BMPR2: variants seen among roughly 807,000 people sequenced by gnomAD.
The protein encoded by BMPR2 is bone morphogenetic protein receptor type 2.
A neutral mutation model predicts 100.8 loss-of-function variants in BMPR2; 29 were observed. That is an observed-to-expected ratio of 0.29 (90% CI 0.21 to 0.39). The LOEUF (loss-of-function observed/expected upper bound fraction) is 0.39. Ranked by LOEUF, BMPR2 falls within the 10% of genes least tolerant of loss-of-function variation. BMPR2 has a pLI of 1.00. For missense variants in BMPR2, 1,011 were observed against 1,274.5 expected, an observed-to-expected ratio of 0.79 and a Z score of 3.15; for synonymous variants, 382 against 442.3, an observed-to-expected ratio of 0.86 and a Z score of 1.71.
chr2:202,546,905 GTT>G (rs957486369), intron 10 of BMPR2, among the ~76,000 whole-genome samples: 2 of 13,236 alleles, frequency 1.5e-4, no homozygotes, highest in Non-Finnish European at 5.5e-4. Flanking sequence ...CCCAGCCGGT[GTT>G]TTGTTTTGTT....
At chr2:202,391,026 C>T (rs960909514) in intron 1 of BMPR2, among the ~76,000 whole-genome samples, 17 of 97,262 alleles carry the variant, frequency 1.7e-4, no homozygotes, top group Admixed American at 6.7e-4. Flanking sequence ...GAGTTTCACT[C>T]TTGTTGCCCA....
intron 3 of BMPR2, among the ~76,000 whole-genome samples, chr2:202,484,131 A>G (rs893866435): frequency 3.3e-5 from 5 of 152,224 alleles, no homozygotes; most frequent in Admixed American, 2.6e-4. Flanking sequence ...ATTTCTATAC[A>G]TTGCTTTTAA....
At chr2:202,377,887 T>C (rs1052618676) in intron 1 of BMPR2, among the ~76,000 whole-genome samples, 4 of 152,254 alleles carry the variant, frequency 2.6e-5, no homozygotes, top group Non-Finnish European at 5.9e-5. Flanking sequence ...ACAGTGCTTA[T>C]TATGAGATCT....
chr2:202,384,578 C>CTTTTCT (rs1337147198), intron 1 of BMPR2, among the ~76,000 whole-genome samples: 1 of 60,232 alleles, frequency 1.7e-5, no homozygotes, highest in Non-Finnish European at 3.7e-5. Context: ...CTTTTTCTTT[C>CTTTTCT]TTTTCTTTCT....
intron 1 of BMPR2, among the ~76,000 whole-genome samples, chr2:202,405,002 T>C (rs2105912969): frequency 6.6e-6 from 1 of 152,112 alleles, no homozygotes; most frequent in East Asian, 1.9e-4. Flanking sequence ...TTTAAATTTT[T>C]TGTAGAGACA....
chr2:202,535,756 C>G (rs377284294), intron 9 of BMPR2, among the ~76,000 whole-genome samples: 7 of 152,050 alleles, frequency 4.6e-5, no homozygotes, highest in African/African-American at 1.7e-4. Flanking sequence ...GAGGTTGTAG[C>G]GAGCCGAGAT....
At chr2:202,379,473 A>G (rs1386333288) in intron 1 of BMPR2, among the ~76,000 whole-genome samples, 2 of 152,236 alleles carry the variant, frequency 1.3e-5, no homozygotes, top group Admixed American at 1.3e-4. Flanking sequence ...GATATATGAG[A>G]TGGAGTAATT....
chr2:202,449,241 GAGGTTGCAGTGA>G (rs1691925084), intron 1 of BMPR2, among the ~76,000 whole-genome samples: 1 of 151,916 alleles, frequency 6.6e-6, no homozygotes, highest in South Asian at 2.1e-4. Context: ...CCGGGAGGTG[GAGGTTGCAGTGA>G]GCCAAGATTG....
At chr2:202,402,648 T>TG (rs1690788799) in intron 1 of BMPR2, among the ~76,000 whole-genome samples, 1 of 146,326 alleles carries the variant, frequency 6.8e-6, no homozygotes, top group East Asian at 2.0e-4. Flanking sequence ...AAAACTTGCA[T>TG]TGTGTGTGTG....
intron 5 of BMPR2, 98 bp from the exon 6 acceptor site, chr2:202,518,720 CAGAG>C (rs962250983): frequency 1.0e-5 from 10 of 966,458 alleles, no homozygotes; most frequent in Middle Eastern, 2.4e-4. Context: ...CTGTAAGCAA[CAGAG>C]AGCTGTAGCA....
chr2:202,545,874 A>T (rs780587521), intron 10 of BMPR2, among the ~76,000 whole-genome samples: 27 of 152,338 alleles, frequency 1.8e-4, no homozygotes, highest in Middle Eastern at 3.4e-3. Flanking sequence ...GAGGCTGAAT[A>T]CTTTACTAGG....
chr2:202,518,457 A>G (rs1341096576), intron 5 of BMPR2, among the ~76,000 whole-genome samples: 1 of 152,078 alleles, frequency 6.6e-6, no homozygotes, highest in African/African-American at 2.4e-5. Flanking sequence ...TTTCTTTAGC[A>G]ATTTTAGTTC....
At chr2:202,543,486 C>G (rs946722568) in intron 10 of BMPR2, among the ~76,000 whole-genome samples, 3 of 151,316 alleles carry the variant, frequency 2.0e-5, no homozygotes, top group Admixed American at 6.6e-5. Context: ...GTATCTATTT[C>G]TCTCCATTTG....
intron 1 of BMPR2, among the ~76,000 whole-genome samples, 155 bp from the exon 2 acceptor site, chr2:202,464,654 A>G (rs969758661): frequency 6.6e-6 from 1 of 152,246 alleles, no homozygotes; most frequent in African/African-American, 2.4e-5. Context: ...GAACAGAAGA[A>G]CGTCATTGAA....
chr2:202,521,995 C>T (rs983198540), intron 7 of BMPR2, among the ~76,000 whole-genome samples: 1 of 151,880 alleles, frequency 6.6e-6, no homozygotes, highest in Non-Finnish European at 1.5e-5. Context: ...CCTTTCTCTA[C>T]AAAATATAAA....
chr2:202,413,543 TC>T (rs1159950548), intron 1 of BMPR2, among the ~76,000 whole-genome samples: 2 of 152,230 alleles, frequency 1.3e-5, no homozygotes, highest in Non-Finnish European at 2.9e-5. Context: ...GGTTCATTGT[TC>T]ACTAATTCAG....
chr2:202,519,989 C>A (rs3736578), intron 6 of BMPR2, 98 bp from the exon 7 acceptor site: 15 of 746,424 alleles, frequency 2.0e-5, no homozygotes, highest in African/African-American at 5.2e-5. Flanking sequence ...GGAATCCTAG[C>A]CTATTTGCAA....
intron 9 of BMPR2, among the ~76,000 whole-genome samples, chr2:202,539,215 A>G (rs903253467): frequency 6.6e-6 from 1 of 152,154 alleles, no homozygotes; most frequent in African/African-American, 2.4e-5. Flanking sequence ...AATAAAAATA[A>G]AAAACCACAC....
chr2:202,549,937 A>G (rs914137498), intron 10 of BMPR2, among the ~76,000 whole-genome samples: 27 of 152,068 alleles, frequency 1.8e-4, no homozygotes, highest in Admixed American at 1.7e-3. Context: ...ACAGAGTCTC[A>G]TTGTATCACC....
Sources: gnomAD v4.1 joint callset for allele counts (sites outside exome capture counted in the v4.1 genomes callset) on GRCh38, gnomAD v4.1.1 for gene constraint, MANE v1.5 for transcripts, NCBI Gene and HGNC (gene_info 2026-07-23, HGNC 2026-07-21) for gene names.